The following MCTP2 variants were observed in gnomAD, a reference collection of about 807,000 sequenced individuals.
MCTP2 encodes multiple C2 and transmembrane domain-containing protein 2.
In MCTP2, 132 loss-of-function variants were observed where a neutral mutation model predicts 111.6. The observed-to-expected ratio is 1.18, with a 90% CI of 1.03 to 1.37. The LOEUF (loss-of-function observed/expected upper bound fraction) is 1.37. MCTP2 is among the 40% of genes most tolerant of loss of function. MCTP2 has a pLI of 0.00. For synonymous variants in MCTP2, 395 were observed against 387.7 expected, an observed-to-expected ratio of 1.02 and a Z score of -0.22; for missense variants, 1,183 against 1,067.9, an observed-to-expected ratio of 1.11 and a Z score of -1.50.
chr15:94,270,014 A>C (rs1262888450), intron 1 of MCTP2, among the ~76,000 whole-genome samples: 1 of 152,170 alleles, frequency 6.6e-6, no homozygotes, highest in East Asian at 1.9e-4. Context: ...AGCAGGGCAC[A>C]GTGGTGAGGG....
intron 1 of MCTP2, among the ~76,000 whole-genome samples, chr15:94,296,955 A>G (rs1324581162): frequency 1.3e-5 from 2 of 152,170 alleles, no homozygotes; most frequent in South Asian, 2.1e-4. Context: ...ACACACCCTG[A>G]TCTCTGGCTC....
At chr15:94,260,132 T>G (rs936717841) in intron 1 of MCTP2, among the ~76,000 whole-genome samples, 3 of 152,204 alleles carry the variant, frequency 2.0e-5, no homozygotes, top group Admixed American at 2.0e-4. Context: ...TTCTGTTTTC[T>G]CTACCCAAGG....
intron 1 of MCTP2, among the ~76,000 whole-genome samples, chr15:94,263,103 A>G (rs534036494): frequency 6.6e-6 from 1 of 152,354 alleles, no homozygotes; most frequent in Non-Finnish European, 1.5e-5. Context: ...AAGGAGAGTC[A>G]GACTCATGAC....
At chr15:94,358,037 C>A (rs4984385) in intron 9 of MCTP2, among the ~76,000 whole-genome samples, 68,546 of 152,022 alleles carry the variant, frequency 0.45, 15,620 homozygotes, top group Admixed American at 0.5. Flanking sequence ...ATGCAGCTGA[C>A]AGATGTTAAT....
chr15:94,347,801 A>G (rs1253515882), intron 8 of MCTP2, among the ~76,000 whole-genome samples: 1 of 152,210 alleles, frequency 6.6e-6, no homozygotes, highest in Non-Finnish European at 1.5e-5. Flanking sequence ...AGTCTAATAT[A>G]AAGACAAAAA....
intron 2 of MCTP2, among the ~76,000 whole-genome samples, chr15:94,304,992 A>G (rs949013748): frequency 2.0e-5 from 3 of 152,148 alleles, no homozygotes; most frequent in Non-Finnish European, 4.4e-5. Flanking sequence ...CCTGGCATCC[A>G]TATTGTGTCC....
intron 1 of MCTP2, among the ~76,000 whole-genome samples, chr15:94,237,963 C>T (rs1049005216): frequency 2.6e-5 from 4 of 151,976 alleles, no homozygotes; most frequent in Non-Finnish European, 4.4e-5. Flanking sequence ...CTGGAAGCCA[C>T]CCCCCGCCCC....
intron 1 of MCTP2, among the ~76,000 whole-genome samples, chr15:94,243,939 A>G (rs781289148): frequency 4.1e-5 from 6 of 147,524 alleles, no homozygotes; most frequent in South Asian, 4.2e-4. Flanking sequence ...ATGTGTACAC[A>G]TACATATATG....
At chr15:94,379,838 TTA>T (rs1367037178) in intron 12 of MCTP2, among the ~76,000 whole-genome samples, 4 of 141,066 alleles carry the variant, frequency 2.8e-5, no homozygotes, top group East Asian at 1.9e-4. Context: ...TGACATATAA[TTA>T]TATATGATAT....
chr15:94,244,104 ATG>A (rs1478780384), intron 1 of MCTP2, among the ~76,000 whole-genome samples: 3 of 146,006 alleles, frequency 2.1e-5, no homozygotes, highest in Admixed American at 1.4e-4. Context: ...ACACATACAT[ATG>A]TGTATATGTT....
At chr15:94,472,931 G>A (rs1366426412) in intron 21 of MCTP2, among the ~76,000 whole-genome samples, 1 of 152,134 alleles carries the variant, frequency 6.6e-6, no homozygotes, top group Non-Finnish European at 1.5e-5. Flanking sequence ...GGAGATAAAT[G>A]TATATGTCTT....
At chr15:94,358,153 TAA>T (rs763421012) in intron 9 of MCTP2, among the ~76,000 whole-genome samples, 1 of 152,256 alleles carries the variant, frequency 6.6e-6, no homozygotes, top group African/African-American at 2.4e-5. Flanking sequence ...TGATGTCCTA[TAA>T]GACAGACAAT....
Position 94,276,838 on chromosome 15 carries a change from T to TA in MCTP2, c.-65-21361dup, listed in dbSNP as rs1469409003. ...TCCATCTTAAGAGCTGTTAGTAAAC[T>TA]AACCCAAAAAAAAAAAAAAAAGAGA... On this transcript the variant is annotated intron_variant, in intron 1 of 22. Transcript: ENST00000357742. Among the ~76,000 whole-genome samples, 403 of 54,344 alleles carry TA rather than the reference T, an allele frequency of 7.4e-3. 2 individuals carry two copies. The highest frequency in any genetic ancestry group is 0.012 in the Admixed American group (59 of 5,068). The allele number at this position is 54,344 out of a possible 152,430, so 35.7% of individuals were successfully genotyped here. A position where few individuals can be genotyped will look rare whatever the true frequency, so the allele number is the denominator to read the frequency against.
In MCTP2 at chr15:94,392,861, G is replaced by GA. The variant is rs565943084; in HGVS notation, c.1789-6094dup. ...AACAAAAAAAAACAAAAAACTTGGA[G>GA]AAAAAATAGAGCTATTCCCTCTATT... On this transcript the variant is annotated intron_variant, in intron 14 of 22. Transcript: ENST00000357742. 9.4e-4 allele frequency among the ~76,000 whole-genome samples: 142 copies of GA among 151,816 alleles called. 1 individual carries two copies. In the South Asian group the frequency reaches 0.029, roughly 31 times the overall value.
At chr15:94,293,133 T>G (rs1030682093) in intron 1 of MCTP2, among the ~76,000 whole-genome samples, 8 of 152,156 alleles carry the variant, frequency 5.3e-5, no homozygotes, top group Non-Finnish European at 7.4e-5. Flanking sequence ...AAAACCTTTG[T>G]TAATTGGGAT....
At chr15:94,295,678 T>C (rs1452087375) in intron 1 of MCTP2, among the ~76,000 whole-genome samples, 1 of 152,194 alleles carries the variant, frequency 6.6e-6, no homozygotes, top group Non-Finnish European at 1.5e-5. Flanking sequence ...AACGGACTTT[T>C]CAGTTATTTA....
At chr15:94,258,402 C>T (rs1403494143) in intron 1 of MCTP2, among the ~76,000 whole-genome samples, 3 of 152,222 alleles carry the variant, frequency 2.0e-5, no homozygotes, top group Non-Finnish European at 4.4e-5. Context: ...GCCCCATCAC[C>T]TGGGTCCACA....
At chr15:94,359,421 T>C (rs2152427272) in intron 10 of MCTP2, among the ~76,000 whole-genome samples, 1 of 152,280 alleles carries the variant, frequency 6.6e-6, no homozygotes, top group Middle Eastern at 3.4e-3. Flanking sequence ...TGTATACATA[T>C]TATTTGTACA....
At chr15:94,477,945 C>T (rs1417564281) in intron 22 of MCTP2, among the ~76,000 whole-genome samples, 2 of 152,182 alleles carry the variant, frequency 1.3e-5, no homozygotes, top group Non-Finnish European at 2.9e-5. Context: ...AGGGCACCTT[C>T]GCAAAACACC....
Sources: gnomAD v4.1 joint callset for allele counts (sites outside exome capture counted in the v4.1 genomes callset) on GRCh38, gnomAD v4.1.1 for gene constraint, MANE v1.5 for transcripts, NCBI Gene and HGNC (gene_info 2026-07-23, HGNC 2026-07-21) for gene names.